CDK15: variants seen among roughly 807,000 people sequenced by gnomAD.
CDK15 encodes cyclin-dependent kinase 15.
In CDK15, 62 loss-of-function variants were observed where a neutral mutation model predicts 60.3. That is an observed-to-expected ratio of 1.03 (90% CI 0.84 to 1.27). CDK15 has a LOEUF of 1.27. CDK15 is among the 50% of genes most tolerant of loss of function. The pLI, the probability that CDK15 is intolerant of heterozygous loss-of-function variation, is 0.00. For missense variants in CDK15, 541 were observed against 527.8 expected (o/e 1.03, Z -0.25); for synonymous variants, 194 against 195.7 (o/e 0.99, Z 0.07).
intron 10 of CDK15, among the ~76,000 whole-genome samples, chr2:201,859,752 G>C (rs1057142612): frequency 1.3e-5 from 2 of 152,134 alleles, no homozygotes; most frequent in Admixed American, 6.5e-5. Context: ...GAGAGAAAAA[G>C]TTAACATTTG....
chr2:201,876,731 C>T, intron 11 of CDK15: 4 of 382,148 alleles, frequency 1.0e-5, no homozygotes, highest in South Asian at 6.2e-5. Context: ...GAGGTCCTTG[C>T]ACTAATTAGT....
At chr2:201,876,503 C>A in intron 11 of CDK15, 4 of 1,054,492 alleles carry the variant, frequency 3.8e-6, no homozygotes, top group Non-Finnish European at 3.9e-6. Context: ...CAGGGGAGAC[C>A]GACACACACT....
rs761187271 is a variant in CDK15, at chr2:201,807,919, G to C, written c.335G>C (p.Gly112Ala). ...TTGAACTTGGAGAAGCTGGGTGAAG[G>C]CTCTTATGCGACAGTTTACAAGGGG... ...SYLNLEKLGE[G>A]SYATVYKGIS... The change falls in exon 3 of 14, where the codon GGC (glycine) becomes GCC (alanine). Residue 112 changes from glycine to alanine, a missense_variant. Transcript: ENST00000652192. 4.3e-6 allele frequency: 7 copies of C among 1,614,128 alleles called. No homozygotes were observed. The highest frequency in any genetic ancestry group is 5.9e-6 in the Non-Finnish European group (7 of 1,180,018).
chr2:201,827,103 T>C (rs942042755), intron 6 of CDK15, among the ~76,000 whole-genome samples: 7 of 152,180 alleles, frequency 4.6e-5, no homozygotes, highest in African/African-American at 1.7e-4. Flanking sequence ...CATACACAAG[T>C]CTGGGGAAAT....
At chr2:201,825,042 C>T (rs370312212) in intron 6 of CDK15, among the ~76,000 whole-genome samples, 3 of 152,078 alleles carry the variant, frequency 2.0e-5, no homozygotes, top group African/African-American at 4.8e-5. Flanking sequence ...TAGCCTGGCG[C>T]GGTGGCTCAC....
chr2:201,865,675 A>T (rs960451453), intron 10 of CDK15, among the ~76,000 whole-genome samples: 7 of 151,870 alleles, frequency 4.6e-5, no homozygotes, highest in Non-Finnish European at 1.0e-4. Context: ...GGATCACCTG[A>T]GGTTAGGAGT....
intron 13 of CDK15, among the ~76,000 whole-genome samples, 180 bp from the exon 14 acceptor site, chr2:201,893,121 G>T (rs936977131): frequency 6.6e-6 from 1 of 152,152 alleles, no homozygotes; most frequent in Non-Finnish European, 1.5e-5. Context: ...TTGATTATTT[G>T]CAAAGCTTTC....
chr2:201,807,997 G>GC lies in CDK15; in HGVS notation c.368+52dup, dbSNP rs545008145. 306 of 1,507,680 alleles carry GC rather than the reference G, an allele frequency of 2.0e-4. No homozygotes were observed. In the East Asian group the frequency reaches 4.4e-3, roughly 21 times the overall value. The allele number at this position is 1,507,680 out of a possible 1,614,324, so 93.4% of individuals were successfully genotyped here. ...GAGAGACTTTAGAGATGAGAGTCCC[G>GC]CCCCCCCAATTTCATATTATAAAGC... is the stretch of plus-strand genomic sequence containing the variant. On this transcript the variant is annotated intron_variant, in intron 3 of 13. Coordinates refer to ENST00000652192, the MANE Select transcript of CDK15 (RefSeq NM_001366386.2).
At chr2:201,891,442 G>A (rs183703983) in intron 13 of CDK15, among the ~76,000 whole-genome samples, 286 of 152,224 alleles carry the variant, frequency 1.9e-3, no homozygotes, top group Non-Finnish European at 3.3e-3. Context: ...TCCTGGTAAG[G>A]GTAACAAACA....
chr2:201,849,476 T>C (rs1032210296), intron 9 of CDK15, among the ~76,000 whole-genome samples: 1 of 152,086 alleles, frequency 6.6e-6, no homozygotes, highest in Non-Finnish European at 1.5e-5. Context: ...AAACAACACT[T>C]ACTCACCATA....
chr2:201,864,694 C>G (rs889688789), intron 10 of CDK15, among the ~76,000 whole-genome samples: 1 of 152,144 alleles, frequency 6.6e-6, no homozygotes, highest in Non-Finnish European at 1.5e-5. Flanking sequence ...AGCCACTGTG[C>G]CCGGCCACCC....
intron 4 of CDK15, among the ~76,000 whole-genome samples, chr2:201,816,721 A>C (rs1696015263): frequency 6.6e-6 from 1 of 151,534 alleles, no homozygotes; most frequent in Admixed American, 6.6e-5. Flanking sequence ...ATGGGACTCG[A>C]CTCCAGAGAT....
intron 11 of CDK15, among the ~76,000 whole-genome samples, chr2:201,875,537 C>A (rs191229980): frequency 6.6e-6 from 1 of 152,182 alleles, no homozygotes; most frequent in East Asian, 1.9e-4. Flanking sequence ...AATAGTACTA[C>A]CTCCATCCCA....
At chr2:201,817,737 A>G (rs896185532) in intron 4 of CDK15, among the ~76,000 whole-genome samples, 8 of 152,220 alleles carry the variant, frequency 5.3e-5, no homozygotes, top group African/African-American at 1.9e-4. Flanking sequence ...TGGTTGACAG[A>G]AAGTCTGCCA....
chr2:201,851,819 C>T (rs918246701), intron 9 of CDK15, among the ~76,000 whole-genome samples: 34 of 151,984 alleles, frequency 2.2e-4, no homozygotes, highest in Non-Finnish European at 3.7e-4. Context: ...ACTACCACAC[C>T]CAGCTAATTT....
intron 8 of CDK15, 56 bp from the exon 9 acceptor site, chr2:201,847,325 G>A: frequency 6.7e-7 from 1 of 1,491,152 alleles, no homozygotes; most frequent in South Asian, 1.2e-5. Context: ...TAGTAGTTCA[G>A]TTTCGCTTGT....
chr2:201,858,197 G>T (rs1336300428), intron 10 of CDK15, among the ~76,000 whole-genome samples: 1 of 152,152 alleles, frequency 6.6e-6, no homozygotes, highest in African/African-American at 2.4e-5. Context: ...GACCCAGTCG[G>T]ATTTCTCTGA....
chr2:201,884,153 T>C (rs1041433373), intron 12 of CDK15, among the ~76,000 whole-genome samples: 1 of 152,072 alleles, frequency 6.6e-6, no homozygotes, highest in African/African-American at 2.4e-5. Flanking sequence ...CTTTAAGCCA[T>C]GGTCCTTGAT....
chr2:201,815,828 T>A (rs1459149947), intron 4 of CDK15, among the ~76,000 whole-genome samples: 1 of 152,170 alleles, frequency 6.6e-6, no homozygotes, highest in Non-Finnish European at 1.5e-5. Context: ...CCCTACATAA[T>A]GTATATTTTT....
Sources: allele counts gnomAD v4.1 joint callset (sites outside exome capture counted in the v4.1 genomes callset), GRCh38; gene constraint gnomAD v4.1.1; transcripts MANE v1.5; gene names NCBI Gene and HGNC (gene_info 2026-07-23, HGNC 2026-07-21).